The following TRDN variants were observed in gnomAD, a reference collection of about 807,000 sequenced individuals.
TRDN encodes the protein triadin, also known as triadin in skeletal muscle.
Under a neutral mutation model 149.7 loss-of-function variants are expected in TRDN, and 161 were observed. The ratio of observed to expected loss-of-function variants is 1.08; its 90% CI spans 0.95 to 1.23. TRDN has a LOEUF of 1.23. Ranked by LOEUF, TRDN falls within the 50% of genes most tolerant of loss-of-function variation. The pLI is 0.00. For missense variants in TRDN, 896 were observed against 823.5 expected, an observed-to-expected ratio of 1.09 and a Z score of -1.08; for synonymous variants, 294 against 250.5, an observed-to-expected ratio of 1.17 and a Z score of -1.64.
chr6:123,351,750 C>T lies in TRDN; in HGVS notation c.1369+789G>A. The T allele has an allele frequency of 4.4e-6, 4 of 918,610 alleles. No individual in the cohort carries two copies. The South Asian group carries it at 2.0e-4, about 46-fold the overall frequency. 56.9% of individuals were successfully genotyped at this position (918,610 alleles called of 1,614,324 possible). Reference sequence around the variant, plus strand: ...AAATTTGAAGGAGAAATCATTTAGACTTTGTTCTTGATAAAATTATTGCAA... The same window carrying T: ...AAATTTGAAGGAGAAATCATTTAGATTTTGTTCTTGATAAAATTATTGCAA... On this transcript the variant is annotated intron_variant, in intron 21 of 40. Transcript: ENST00000334268.
At chr6:123,564,244 C>T (rs552740388) in intron 2 of TRDN, among the ~76,000 whole-genome samples, 107 of 152,106 alleles carry the variant, frequency 7.0e-4, no homozygotes, top group African/African-American at 2.6e-3. Flanking sequence ...GGGTAGTGAG[C>T]AGAAAATATG....
chr6:123,301,740 T>C (rs1778403758), intron 24 of TRDN, among the ~76,000 whole-genome samples: 1 of 131,028 alleles, frequency 7.6e-6, no homozygotes, highest in Non-Finnish European at 1.6e-5. Context: ...TATGTATGTA[T>C]GTATATATAT....
intron 2 of TRDN, among the ~76,000 whole-genome samples, chr6:123,565,018 T>A (rs1406331262): frequency 6.6e-6 from 1 of 152,200 alleles, no homozygotes; most frequent in African/African-American, 2.4e-5. Flanking sequence ...ATCATCAACA[T>A]CCACTAATGC....
intron 24 of TRDN, among the ~76,000 whole-genome samples, chr6:123,293,574 C>A (rs1480205052): frequency 6.6e-6 from 1 of 152,014 alleles, no homozygotes; most frequent in South Asian, 2.1e-4. Context: ...GGAGTACCCC[C>A]CTTCTGAAAA....
intron 5 of TRDN, among the ~76,000 whole-genome samples, chr6:123,527,934 TTAAC>T (rs1310452257): frequency 1.3e-5 from 2 of 152,036 alleles, no homozygotes; most frequent in Admixed American, 1.3e-4. Context: ...AAGGTAAACC[TTAAC>T]TAACATGTCA....
At chr6:123,259,935 C>T (rs904814694) in intron 34 of TRDN, among the ~76,000 whole-genome samples, 1 of 150,768 alleles carries the variant, frequency 6.6e-6, no homozygotes, top group African/African-American at 2.4e-5. Flanking sequence ...TCTTTTTTTC[C>T]TCCTCCTCTT....
chr6:123,497,324 T>A (rs1778491824), intron 8 of TRDN, 72 bp from the exon 9 acceptor site: 5 of 1,077,638 alleles, frequency 4.6e-6, no homozygotes, highest in Non-Finnish European at 6.4e-6. Context: ...GAGAAATAAT[T>A]TAACAAAGCA....
intron 18 of TRDN, among the ~76,000 whole-genome samples, chr6:123,376,576 A>C (rs1356120869): frequency 1.3e-5 from 2 of 152,164 alleles, no homozygotes; most frequent in African/African-American, 4.8e-5. Flanking sequence ...AAGGTAGAAA[A>C]GGGAAAAGAT....
At chr6:123,432,740 T>C (rs1774384388) in intron 12 of TRDN, among the ~76,000 whole-genome samples, 2 of 148,464 alleles carry the variant, frequency 1.3e-5, no homozygotes, top group South Asian at 2.1e-4. Context: ...TCTTCTGCCC[T>C]CGTAAAACAA....
In TRDN at chr6:123,636,936, C is replaced by T. The variant is rs972417905; in HGVS notation, c.-161G>A. 1.3e-6 allele frequency: 1 copy of T among 759,840 alleles called. No individual in the cohort carries two copies. The highest frequency in any genetic ancestry group is 2.2e-6 in the Non-Finnish European group (1 of 456,770). 47.1% of individuals were successfully genotyped at this position (759,840 alleles called of 1,614,324 possible). On this transcript the variant is annotated 5_prime_UTR_variant, in exon 1 of 41. Transcript: ENST00000334268. The stretch of plus-strand genomic sequence containing the variant: ...GCTGCTTCTTTGTTGTCCTGTTGAA[C>T]TTTGCCTCTCCTCTGCAGAGTTCTC...
At chr6:123,486,714 T>G (rs1261532415) in intron 9 of TRDN, among the ~76,000 whole-genome samples, 1 of 152,052 alleles carries the variant, frequency 6.6e-6, no homozygotes, top group Non-Finnish European at 1.5e-5. Context: ...TTGTGTATGC[T>G]TGATGGCTAG....
intron 11 of TRDN, among the ~76,000 whole-genome samples, chr6:123,438,435 T>C (rs891757238): frequency 6.6e-6 from 1 of 152,220 alleles, no homozygotes; most frequent in Middle Eastern, 3.4e-3. Flanking sequence ...TTGAAAAGAA[T>C]ATATTGAATG....
At position 123,303,944 on chromosome 6, in the gene TRDN, T is replaced by TA. The variant is rs967105474; in HGVS notation, c.1510+12512dup. ...AAAAACAGGTTTTACCCAGAAGAAT[T>TA]AAAAAAATGGAGAGAATAAATTTGG... On this transcript the variant is annotated intron_variant, in intron 24 of 40. Transcript: ENST00000334268. Among the ~76,000 whole-genome samples the TA allele has an allele frequency of 2.4e-4, 37 of 152,018 alleles. 1 individual carries two copies. Among genetic ancestry groups the TA allele is most frequent in the African/African-American group, 8.7e-4 (36 of 41,484 alleles).
chr6:123,371,460 G>A (rs867377515), intron 19 of TRDN, among the ~76,000 whole-genome samples: 2 of 152,022 alleles, frequency 1.3e-5, no homozygotes, highest in African/African-American at 4.8e-5. Context: ...AATATCTGGG[G>A]ACTGCTTTAT....
chr6:123,531,485 A>T (rs939015307), intron 4 of TRDN, among the ~76,000 whole-genome samples: 2 of 152,030 alleles, frequency 1.3e-5, no homozygotes, highest in African/African-American at 4.8e-5. Context: ...CCATGGCAAC[A>T]CCCTAAATAT....
At chr6:123,311,477 C>A (rs954840305) in intron 24 of TRDN, among the ~76,000 whole-genome samples, 3 of 151,936 alleles carry the variant, frequency 2.0e-5, no homozygotes, top group African/African-American at 7.2e-5. Context: ...AGTACCTTGC[C>A]AGTAAACGGT....
chr6:123,529,001 T>C, intron 5 of TRDN: 1 of 1,308,612 alleles, frequency 7.6e-7, no homozygotes, highest in Non-Finnish European at 9.8e-7. Flanking sequence ...CTGTCTTAAT[T>C]ATGGAAGACT....
chr6:123,343,895 G>A (rs1046020924), intron 21 of TRDN, among the ~76,000 whole-genome samples: 8 of 151,942 alleles, frequency 5.3e-5, no homozygotes, highest in African/African-American at 1.7e-4. Context: ...CCAATGTTAT[G>A]GTATGGCACC....
In TRDN at chr6:123,381,244, A is replaced by T. The variant is rs183853417; in HGVS notation, c.1186+126T>A. On this transcript the variant is annotated intron_variant, in intron 16 of 40. Coordinates refer to ENST00000334268, the MANE Select transcript of TRDN (RefSeq NM_006073.4). ...GTGTATTTTTTCACTTGGACAAAAA[A>T]CAACAGAGTTCACATGCATAAAACA... is the stretch of plus-strand genomic sequence containing the variant. 62 of 855,338 alleles carry T rather than the reference A, an allele frequency of 7.2e-5. No homozygotes were observed. In the African/African-American group the frequency reaches 8.0e-4, roughly 11 times the overall value. 53.0% of individuals were successfully genotyped at this position (855,338 alleles called of 1,614,324 possible).
Sources: gnomAD v4.1 joint callset for allele counts (sites outside exome capture counted in the v4.1 genomes callset) on GRCh38, gnomAD v4.1.1 for gene constraint, MANE v1.5 for transcripts, NCBI Gene and HGNC (gene_info 2026-07-23, HGNC 2026-07-21) for gene names.